The following UPP1 variants were observed in gnomAD, a reference collection of about 807,000 sequenced individuals.
UPP1 encodes the protein UPase 1.
A neutral mutation model predicts 29.6 loss-of-function variants in UPP1; 25 were observed. The ratio of observed to expected loss-of-function variants is 0.85; its 90% confidence interval spans 0.62 to 1.18. UPP1 has a LOEUF of 1.18. Among genes scored for constraint, UPP1 ranks in the 50% most tolerant of loss-of-function variants. UPP1 has a pLI of 0.00. For missense variants in UPP1, 368 were observed against 410.4 expected, an observed-to-expected ratio of 0.90 and a Z score of 0.89; for synonymous variants, 165 against 159.8, an observed-to-expected ratio of 1.03 and a Z score of -0.25.
chr7:48,105,302 G>A (rs1333812517), intron 6 of UPP1: 2 of 152,320 alleles, frequency 1.3e-5, no homozygotes, highest in African/African-American at 2.4e-5. Flanking sequence ...CCCAGTGCTG[G>A]GAGAAGCTGC....
At chr7:48,103,965 A>G (rs1297912249) in intron 6 of UPP1, 1 of 1,209,600 alleles carries the variant, frequency 8.3e-7, no homozygotes, top group Non-Finnish European at 1.1e-6. Flanking sequence ...CACACCTGTA[A>G]TCCCAGCACA....
intron 2 of UPP1, among the ~76,000 whole-genome samples, chr7:48,093,927 A>G (rs1404099628): frequency 1.3e-5 from 2 of 152,186 alleles, no homozygotes; most frequent in African/African-American, 4.8e-5. Context: ...TGGGAGGCCG[A>G]GGCTGGTGGA....
At chr7:48,095,017 C>T (rs768324109) in intron 3 of UPP1, among the ~76,000 whole-genome samples, 190 bp downstream of exon 3, 2 of 152,168 alleles carry the variant, frequency 1.3e-5, no homozygotes, top group Non-Finnish European at 2.9e-5. Flanking sequence ...CCTCCGGGGT[C>T]GGGTGCTGGG....
chr7:48,103,419 C>T lies in UPP1; in HGVS notation c.436+8C>T, dbSNP rs779675510. 26 of 1,610,146 alleles carry T rather than the reference C, an allele frequency of 1.6e-5. 1 individual carries two copies. The South Asian group carries it at 2.5e-4, about 16-fold the overall frequency. ...GCACTTCTGGTGGGATAGGTAAGGT[C>T]TGCAGAGGGGCCTCTTGCCCTGTGA... On this transcript the variant is annotated splice_region_variant and intron_variant, in intron 6 of 8. Transcript: ENST00000395564.
At chr7:48,091,774 C>T (rs1791850735) in intron 2 of UPP1, among the ~76,000 whole-genome samples, 1 of 152,078 alleles carries the variant, frequency 6.6e-6, no homozygotes, top group Non-Finnish European at 1.5e-5. Context: ...ACTAAGATTG[C>T]AAAGGGAAAG....
chr7:48,099,316 A>G (rs1458290645), intron 3 of UPP1, among the ~76,000 whole-genome samples: 1 of 152,202 alleles, frequency 6.6e-6, no homozygotes, highest in African/African-American at 2.4e-5. Context: ...AATAAATTCA[A>G]GTTTATACAT....
Position 48,108,436 on chromosome 7 carries a change from C to A in UPP1, c.*79C>A. The A allele has an allele frequency of 1.3e-6, 2 of 1,493,830 alleles. No homozygotes were observed. The highest frequency in any genetic ancestry group is 2.0e-5 in the Admixed American group (1 of 49,610). The allele number at this position is 1,493,830 out of a possible 1,614,324, so 92.5% of individuals were successfully genotyped here. A position where few individuals can be genotyped will look rare whatever the true frequency, so the allele number is the denominator to read the frequency against. ...TGTCCAAAATCCCCTGTTGTGTGGA[C>A]TTTGAGCACACTTTACACAAGAATC... is the stretch of plus-strand genomic sequence containing the variant. On this transcript the variant is annotated 3_prime_UTR_variant, in exon 9 of 9. Coordinates refer to ENST00000395564, the MANE Select transcript of UPP1 (RefSeq NM_003364.4).
intron 2 of UPP1, among the ~76,000 whole-genome samples, chr7:48,092,472 C>G (rs1791891610): frequency 6.6e-6 from 1 of 152,034 alleles, no homozygotes; most frequent in African/African-American, 2.4e-5. Flanking sequence ...ATTCATGAAG[C>G]TTCATCCCTA....
chr7:48,103,685 T>C, intron 6 of UPP1: 1 of 1,201,024 alleles, frequency 8.3e-7, no homozygotes, highest in South Asian at 1.4e-5. Context: ...AATTTGTGCC[T>C]TCTTGTCTGC....
chr7:48,098,377 A>G (rs577204628), intron 3 of UPP1, among the ~76,000 whole-genome samples: 1 of 152,260 alleles, frequency 6.6e-6, no homozygotes, highest in East Asian at 1.9e-4. Context: ...AAAATGATAG[A>G]TAAAATAGGA....
intron 2 of UPP1, among the ~76,000 whole-genome samples, chr7:48,093,867 A>T (rs1791981538): frequency 6.6e-6 from 1 of 152,126 alleles, no homozygotes; most frequent in African/African-American, 2.4e-5. Flanking sequence ...ATTCTAGAAA[A>T]GTGAGGCAGA....
In UPP1 at chr7:48,103,390, A is replaced by G. The variant is rs201545473; in HGVS notation, c.415A>G (p.Ile139Val). Residue 139 changes from isoleucine to valine, a missense_variant, in exon 6 of 9, where the codon ATT (isoleucine) becomes GTT (valine). Coordinates refer to ENST00000395564, the MANE Select transcript of UPP1 (RefSeq NM_003364.4). ...GTGCTCCAACGTCACTATCATCCGC[A>G]TTGGCACTTCTGGTGGGATAGGTAA... ...ARCSNVTIIR[I>V]GTSGGIGLEP... 1.2e-6 allele frequency: 2 copies of G among 1,613,784 alleles called. No homozygotes were observed. The highest frequency in any genetic ancestry group is 1.7e-6 in the Non-Finnish European group (2 of 1,179,770).
chr7:48,101,980 A>G lies in UPP1; in HGVS notation c.319A>G (p.Ser107Gly). 1.2e-6 allele frequency: 2 copies of G among 1,613,226 alleles called. No individual in the cohort carries two copies. Among genetic ancestry groups the G allele is most frequent in the Non-Finnish European group, 1.7e-6 (2 of 1,179,518 alleles). ...TAAAGTAGGACCGGTGCTGTCTGTC[A>G]GTGTGAGTACCTGCCTTCCCTTGTG... ...MYKVGPVLSV[S>G]HGMGIPSISI... is the part of the protein sequence containing the mutation. The change falls in exon 5 of 9, where the codon AGT (serine) becomes GGT (glycine). Residue 107 changes from serine (S) to glycine (G), a missense_variant and splice_region_variant. Coordinates refer to ENST00000395564, the MANE Select transcript of UPP1 (RefSeq NM_003364.4).
In UPP1 at chr7:48,106,899, A is replaced by G; in HGVS notation, c.463A>G (p.Thr155Ala). 1 of 1,613,822 alleles carries G rather than the reference A, an allele frequency of 6.2e-7. No homozygotes were observed. Among genetic ancestry groups the G allele is most frequent in the Non-Finnish European group, 8.5e-7 (1 of 1,179,954 alleles). Residue 155 changes from threonine (T) to alanine (A), a missense_variant, in exon 7 of 9, where the codon ACA becomes GCA. Physicochemically the swap from Thr to Ala is moderately conservative, Grantham distance 58. Coordinates refer to ENST00000395564, the MANE Select transcript of UPP1 (RefSeq NM_003364.4). ...IGLEPGTVVI[T>A]EQAVDTCFKA... ...TCTGGAGCCCGGCACTGTGGTCATA[A>G]CAGAGCAGGCAGTGGATACCTGCTT...
rs769599263 is a variant in UPP1, at chr7:48,106,881, C to T, written c.445C>T (p.Pro149Ser). ...TCTGCTTTTTTCCTCAGGTCTGGAG[C>T]CCGGCACTGTGGTCATAACAGAGCA... is the stretch of plus-strand genomic sequence containing the variant. Reference protein sequence around the residue: ...IGTSGGIGLEPGTVVITEQAV... With the variant: ...IGTSGGIGLESGTVVITEQAV... The change falls in exon 7 of 9, where the codon CCC becomes TCC. Residue 149 changes from proline to serine, a missense_variant. Physicochemically the swap from Pro to Ser is moderately conservative, Grantham distance 74 (BLOSUM62 -1). Transcript: ENST00000395564. 7.4e-6 allele frequency: 12 copies of T among 1,613,688 alleles called. No individual in the cohort carries two copies. Among genetic ancestry groups the T allele is most frequent in the South Asian group, 1.1e-5 (1 of 91,056 alleles).
chr7:48,089,534 C>G (rs1791697456), intron 1 of UPP1, 116 bp downstream of exon 1: 1 of 153,632 alleles, frequency 6.5e-6, no homozygotes, highest in African/African-American at 2.4e-5. Flanking sequence ...CTCTGGTGCA[C>G]CTTGGCTGTG....
rs780519983 is a variant in UPP1 at position 48,107,449 on chromosome 7, C to T, written c.735C>T (p.Arg245=). ...YLEAAYAAGV[R]NIEMESSVFA... ...AGGCAGCCTATGCAGCCGGCGTCCG[C>T]AATATCGAGATGGAGTCCTCGGTGT... The change falls in exon 8 of 9, where the codon CGC becomes CGT. Residue 245 remains arginine, a synonymous_variant. Coordinates refer to ENST00000395564, the MANE Select transcript of UPP1 (RefSeq NM_003364.4). 2 of 1,614,206 alleles carry T rather than the reference C, an allele frequency of 1.2e-6. No individual in the cohort carries two copies. Among genetic ancestry groups the T allele is most frequent in the Non-Finnish European group, 1.7e-6 (2 of 1,180,012 alleles).
chr7:48,108,673 A>C lies in UPP1; in HGVS notation c.*316A>C, dbSNP rs147475723. The C allele has an allele frequency of 6.7e-4, 145 of 217,306 alleles. No homozygotes were observed. Among genetic ancestry groups the C allele is most frequent in the African/African-American group, 3.2e-3 (140 of 43,976 alleles). The allele number at this position is 217,306 out of a possible 1,614,324, so 13.5% of individuals were successfully genotyped here. A position where few individuals can be genotyped will look rare whatever the true frequency, so the allele number is the denominator to read the frequency against. On this transcript the variant is annotated 3_prime_UTR_variant, in exon 9 of 9. Coordinates refer to ENST00000395564, the MANE Select transcript of UPP1 (RefSeq NM_003364.4). ...GTAGTCAGATTTCATGTCACTAAAC[A>C]AGAAATCTGACAATAGTGCCAGGAA...
At chr7:48,103,853 C>A (rs767657796) in intron 6 of UPP1, 22 of 1,289,598 alleles carry the variant, frequency 1.7e-5, no homozygotes, top group Middle Eastern at 2.1e-4. Context: ...CAGTACAAAA[C>A]TCAGATAAGT....
Sources: gnomAD v4.1 joint callset for allele counts (sites outside exome capture counted in the v4.1 genomes callset) on GRCh38, gnomAD v4.1.1 for gene constraint, MANE v1.5 for transcripts, NCBI Gene and HGNC (gene_info 2026-07-23, HGNC 2026-07-21) for gene names.